CEP192: variants seen among roughly 807,000 people sequenced by gnomAD.
The protein encoded by CEP192 is centrosomal protein of 192 kDa.
Under a neutral mutation model 271.8 loss-of-function variants are expected in CEP192, and 151 were observed. The ratio of observed to expected loss-of-function variants is 0.56; its 90% CI spans 0.49 to 0.64. The LOEUF is 0.64. CEP192 is among the 30% of genes least tolerant of loss of function. CEP192 has a pLI of 0.00. For missense variants in CEP192, 2,910 were observed against 3,020.5 expected, an observed-to-expected ratio of 0.96 and a Z score of 0.86; for synonymous variants, 995 against 1,076.5, an observed-to-expected ratio of 0.92 and a Z score of 1.48.
chr18:13,002,798 TGTATTTGC>T lies in CEP192; in HGVS notation c.290+1223_290+1230del, dbSNP rs201874763. Reference sequence around the variant, plus strand: ...CAATCTTGTTTTCTGTGTTTAAATTTGTATTTGCGTATTTATGGGATTGAACCTACTTT... The same window carrying T: ...CAATCTTGTTTTCTGTGTTTAAATTTGTATTTATGGGATTGAACCTACTTT... On this transcript the variant is annotated intron_variant, in intron 3 of 44. Coordinates refer to ENST00000506447, the MANE Select transcript of CEP192 (RefSeq NM_032142.4). 5.1e-3 allele frequency among the ~76,000 whole-genome samples: 783 copies of T among 152,354 alleles called. 3 individuals carry two copies. Among genetic ancestry groups the T allele is most frequent in the African/African-American group, 0.018 (743 of 41,588 alleles).
chr18:13,067,755 G>T, intron 21 of CEP192, 76 bp from the exon 22 acceptor site: 2 of 1,227,142 alleles, frequency 1.6e-6, no homozygotes, highest in Non-Finnish European at 2.3e-6. Flanking sequence ...GGCTAGAAAT[G>T]GCAGTGATAT....
intron 44 of CEP192, among the ~76,000 whole-genome samples, chr18:13,120,011 A>G (rs1452033163): frequency 6.6e-6 from 1 of 152,228 alleles, no homozygotes. Context: ...TCATTATTGA[A>G]TACGTTGTCA....
chr18:13,030,425 T>C, intron 10 of CEP192, 40 bp from the exon 11 acceptor site: 4 of 1,488,516 alleles, frequency 2.7e-6, no homozygotes, highest in Non-Finnish European at 3.6e-6. Flanking sequence ...TTTTAGTTGT[T>C]ACATGTGTCA....
intron 9 of CEP192, among the ~76,000 whole-genome samples, chr18:13,026,264 C>T (rs1025301554): frequency 2.6e-5 from 4 of 152,166 alleles, no homozygotes; most frequent in Middle Eastern, 3.4e-3. Context: ...TTTTTTTCCT[C>T]TCTGGTTTCT....
At chr18:13,109,756 AG>A (rs35518706) in intron 40 of CEP192, among the ~76,000 whole-genome samples, 20,796 of 152,192 alleles carry the variant, frequency 0.14, 1,568 homozygotes, top group East Asian at 0.31. Context: ...ACATCTCCAA[AG>A]CTGCTTTTTT....
At position 13,095,477 on chromosome 18, in the gene CEP192, T is replaced by C. The variant is rs151018962; in HGVS notation, c.6255-26T>C. ...CTCAGTCTCTTTCTTCATGTCTAAC[T>C]TTTTCATTTTTAAATAATTTTTTAG... On this transcript the variant is annotated intron_variant, in intron 34 of 44. Transcript: ENST00000506447. The C allele has an allele frequency of 4.4e-6, 7 of 1,573,824 alleles. No homozygotes were observed. The Admixed American group carries it at 1.3e-4, about 30-fold the overall frequency.
rs2035507641 is a variant in CEP192 at position 13,029,717 on chromosome 18, CTT to C, written c.1106_1107del (p.Leu369GlnfsTer3). The C allele has an allele frequency of 1.3e-6, 2 of 1,551,274 alleles. No individual in the cohort carries two copies. Among genetic ancestry groups the C allele is most frequent in the Non-Finnish European group, 1.7e-6 (2 of 1,146,720 alleles). On this transcript the variant is annotated frameshift_variant, in exon 10 of 45. Transcript: ENST00000506447. LOFTEE classifies it high-confidence loss of function. The stretch of plus-strand genomic sequence containing the variant: ...GACCCTCAGGGCTATTGATGTGAAA[CTT>C]AACTCTGATAATTTTCATGATGCAA... Reference protein sequence around the residue: ...VKTLRAIDVKLNSDNFHDANA... With the variant: ...VKTLRAIDVKXNSDNFHDANA...
At position 13,009,894 on chromosome 18, in the gene CEP192, G is replaced by A. The variant is rs569053930; in HGVS notation, c.466+1263G>A. On this transcript the variant is annotated intron_variant, in intron 4 of 44. Coordinates refer to ENST00000506447, the MANE Select transcript of CEP192 (RefSeq NM_032142.4). ...GAAACTACAAAAATATGGGGGGTCA[G>A]GCACTGTGGCTTATGCCTGTAATTC... Among the ~76,000 whole-genome samples the A allele has an allele frequency of 2.0e-5, 3 of 152,256 alleles. No homozygotes were observed. In the South Asian group the frequency reaches 6.2e-4, roughly 32 times the overall value.
chr18:13,009,431 G>A (rs907824973), intron 4 of CEP192, among the ~76,000 whole-genome samples: 2 of 152,080 alleles, frequency 1.3e-5, no homozygotes, highest in Admixed American at 6.6e-5. Context: ...TTGTTTCTAA[G>A]CCTATTTTTT....
chr18:13,038,297 A>T lies in CEP192; in HGVS notation c.1600-73A>T. 9 of 1,190,258 alleles carry T rather than the reference A, an allele frequency of 7.6e-6. No homozygotes were observed. In the Admixed American group the frequency reaches 8.2e-5, roughly 11 times the overall value. The allele number at this position is 1,190,258 out of a possible 1,614,324, so 73.7% of individuals were successfully genotyped here. A position where few individuals can be genotyped will look rare whatever the true frequency, so the allele number is the denominator to read the frequency against. On this transcript the variant is annotated intron_variant, in intron 12 of 44. Coordinates refer to ENST00000506447, the MANE Select transcript of CEP192 (RefSeq NM_032142.4). ...TAAATTTTCTTGGTAAGACTTTTTT[A>T]GTTTTTGTATATTAGAACAACAGAA...
chr18:13,069,311 A>C (rs755154531), intron 26 of CEP192, 130 bp downstream of exon 26: 93 of 733,054 alleles, frequency 1.3e-4, no homozygotes, highest in Middle Eastern at 2.7e-4. Flanking sequence ...AGAATCGCTG[A>C]GAGTTTTTAA....
intron 2 of CEP192, among the ~76,000 whole-genome samples, chr18:13,000,813 C>T (rs1044952698): frequency 2.0e-5 from 3 of 152,120 alleles, no homozygotes; most frequent in Non-Finnish European, 2.9e-5. Context: ...ATTAGCCAGG[C>T]GTGATGGCGC....
rs199766665 is a variant in CEP192 at position 13,052,899 on chromosome 18, G to A, written c.3018-20G>A. The stretch of plus-strand genomic sequence containing the variant: ...TGAAGGACTGGAGAACTCCAGGTGT[G>A]AGCTACTCTTCTCTTTCAGGTGTGC... On this transcript the variant is annotated intron_variant, in intron 17 of 44. Coordinates refer to ENST00000506447, the MANE Select transcript of CEP192 (RefSeq NM_032142.4). 8.5e-7 allele frequency: 1 copy of A among 1,169,790 alleles called. No individual in the cohort carries two copies. The highest frequency in any genetic ancestry group is 1.1e-6 in the Non-Finnish European group (1 of 881,654). 72.5% of individuals were successfully genotyped at this position (1,169,790 alleles called of 1,614,324 possible).
At chr18:13,097,481 C>G (rs898007833) in intron 36 of CEP192, among the ~76,000 whole-genome samples, 2 of 152,094 alleles carry the variant, frequency 1.3e-5, no homozygotes, top group African/African-American at 2.4e-5. Context: ...TCCTCTGCAA[C>G]TGCTTCATTC....
At chr18:13,120,435 T>TA (rs539262008) in intron 44 of CEP192, among the ~76,000 whole-genome samples, 4 of 152,312 alleles carry the variant, frequency 2.6e-5, no homozygotes, top group Non-Finnish European at 4.4e-5. Flanking sequence ...TGCTTGAAAT[T>TA]AAGAGTCATA....
At chr18:13,059,852 G>A (rs1303909349) in intron 21 of CEP192, among the ~76,000 whole-genome samples, 3 of 152,096 alleles carry the variant, frequency 2.0e-5, no homozygotes, top group Non-Finnish European at 4.4e-5. Context: ...CTAAATCAGA[G>A]CGAGGGAGGG....
intron 9 of CEP192, among the ~76,000 whole-genome samples, chr18:13,023,954 G>A (rs2035140588): frequency 6.6e-6 from 1 of 152,108 alleles, no homozygotes; most frequent in South Asian, 2.1e-4. Flanking sequence ...CTGATAAGAA[G>A]AATGTGTATT....
rs1224350630 is a variant in CEP192, at chr18:13,042,278, A to G, written c.2011A>G (p.Thr671Ala). 4 of 1,613,636 alleles carry G rather than the reference A, an allele frequency of 2.5e-6. No homozygotes were observed. In the Admixed American group the frequency reaches 5.0e-5, roughly 20 times the overall value. The change falls in exon 15 of 45, where the codon ACT (threonine) becomes GCT (alanine). Residue 671 changes from threonine to alanine, a missense_variant. By Grantham distance (58) the Thr-to-Ala change is moderately conservative. Coordinates refer to ENST00000506447, the MANE Select transcript of CEP192 (RefSeq NM_032142.4). ...ACTTCAGGTTGAAGCAGTAGAGAGTACTTCACAAGTGGATGAAAATGATGT... is the reference window on the plus strand; with the variant it reads ...ACTTCAGGTTGAAGCAGTAGAGAGTGCTTCACAAGTGGATGAAAATGATGT... ...ITLQVEAVES[T>A]SQVDENDVTL...
chr18:13,030,241 T>G (rs1431875773), intron 10 of CEP192, among the ~76,000 whole-genome samples: 1 of 152,362 alleles, frequency 6.6e-6, no homozygotes, highest in East Asian at 1.9e-4. Flanking sequence ...TCTTTATTCC[T>G]CATTCTCCAT....
Sources: gnomAD v4.1 joint callset for allele counts (sites outside exome capture counted in the v4.1 genomes callset) on GRCh38, gnomAD v4.1.1 for gene constraint, MANE v1.5 for transcripts, NCBI Gene and HGNC (gene_info 2026-07-23, HGNC 2026-07-21) for gene names.